MTMR7: variants seen among roughly 807,000 people sequenced by gnomAD.
The protein encoded by MTMR7 is myotubularin related protein 7.
A neutral mutation model predicts 81.2 loss-of-function variants in MTMR7; 76 were observed. The observed-to-expected ratio is 0.94, with a 90% CI of 0.78 to 1.13. The LOEUF (loss-of-function observed/expected upper bound fraction) is 1.13, where lower values mean the gene tolerates loss of function less well. Among genes scored for constraint, MTMR7 ranks in the 50% most tolerant of loss-of-function variants. The pLI, the probability that MTMR7 is intolerant of heterozygous loss-of-function variation, is 0.00. For synonymous variants in MTMR7, 372 were observed against 289.8 expected, an observed-to-expected ratio of 1.28 and a Z score of -2.88; for missense variants, 1,044 against 820.0, an observed-to-expected ratio of 1.27 and a Z score of -3.34.
intron 1 of MTMR7, among the ~76,000 whole-genome samples, chr8:17,404,757 A>T (rs1344144107): frequency 2.0e-5 from 3 of 152,124 alleles, no homozygotes; most frequent in Non-Finnish European, 4.4e-5. Context: ...GACTTACCCA[A>T]CAATTTAAAT....
chr8:17,373,051 T>G (rs762608015), intron 2 of MTMR7, 67 bp downstream of exon 2: 85 of 1,578,470 alleles, frequency 5.4e-5, no homozygotes, highest in Non-Finnish European at 7.0e-5. Context: ...GAAAAATGAA[T>G]GGAGGGCAAA....
At chr8:17,364,090 C>G (rs1459658865) in intron 3 of MTMR7, among the ~76,000 whole-genome samples, 1 of 130,586 alleles carries the variant, frequency 7.7e-6, no homozygotes, top group Non-Finnish European at 1.5e-5. Context: ...AGTGCAGTGG[C>G]GCGATCTCGG....
intron 9 of MTMR7, among the ~76,000 whole-genome samples, chr8:17,309,602 T>A (rs1277103255): frequency 6.6e-6 from 1 of 152,204 alleles, no homozygotes; most frequent in African/African-American, 2.4e-5. Context: ...ACTGTTCACA[T>A]TGCTTTACGT....
intron 4 of MTMR7, among the ~76,000 whole-genome samples, chr8:17,353,521 T>G (rs1283058152): frequency 1.3e-5 from 2 of 152,124 alleles, no homozygotes; most frequent in East Asian, 1.9e-4. Flanking sequence ...GCTCACAGAG[T>G]TGTAGTCAAA....
rs76579960 is a variant in MTMR7, at chr8:17,299,735, C to A, written c.*127G>T. 5 of 1,359,582 alleles carry A rather than the reference C, an allele frequency of 3.7e-6. No individual in the cohort carries two copies. In the East Asian group the frequency reaches 9.3e-5, roughly 25 times the overall value. 84.2% of individuals were successfully genotyped at this position (1,359,582 alleles called of 1,614,324 possible). On this transcript the variant is annotated 3_prime_UTR_variant, in exon 14 of 14. Coordinates refer to ENST00000180173, the MANE Select transcript of MTMR7 (RefSeq NM_004686.5). ...AGAACTGGGCACTTTTTTCCCTTTTCATAGCTGCATTAAAGTAGTTCTCAA... is the reference window on the plus strand; with the variant it reads ...AGAACTGGGCACTTTTTTCCCTTTTAATAGCTGCATTAAAGTAGTTCTCAA...
intron 9 of MTMR7, 52 bp downstream of exon 9, chr8:17,311,459 C>T: frequency 6.2e-7 from 1 of 1,611,710 alleles, no homozygotes. Flanking sequence ...AAACAGGGGT[C>T]CATTCCTGGT....
chr8:17,314,909 G>A (rs982203535), intron 7 of MTMR7, among the ~76,000 whole-genome samples: 19 of 152,132 alleles, frequency 1.2e-4, no homozygotes, highest in African/African-American at 4.6e-4. Flanking sequence ...AGCATCACAG[G>A]CAGGAAGACA....
intron 6 of MTMR7, among the ~76,000 whole-genome samples, chr8:17,332,985 C>A (rs960451175): frequency 6.6e-6 from 1 of 151,840 alleles, no homozygotes. Flanking sequence ...ATACCGAGAG[C>A]ATATATGAAG....
chr8:17,310,923 CTG>C (rs1179375563), intron 9 of MTMR7, among the ~76,000 whole-genome samples: 1 of 152,152 alleles, frequency 6.6e-6, no homozygotes, highest in Non-Finnish European at 1.5e-5. Context: ...ATACAATACT[CTG>C]TAGTTGAAAG....
chr8:17,333,240 G>GAA (rs1431640438), intron 6 of MTMR7, among the ~76,000 whole-genome samples: 1 of 151,898 alleles, frequency 6.6e-6, no homozygotes, highest in African/African-American at 2.4e-5. Context: ...CCTTAATCAA[G>GAA]AAAAAAATAT....
chr8:17,337,057 G>T (rs1819262989), intron 6 of MTMR7, among the ~76,000 whole-genome samples: 1 of 152,046 alleles, frequency 6.6e-6, no homozygotes, highest in Admixed American at 6.6e-5. Context: ...AACTTGCCAG[G>T]ATTCTTAAAA....
At chr8:17,302,040 C>A in intron 13 of MTMR7, 114 bp downstream of exon 13, 2 of 1,406,704 alleles carry the variant, frequency 1.4e-6, no homozygotes, top group Non-Finnish European at 2.0e-6. Flanking sequence ...AGGTGTTCTA[C>A]TGACTAAAAA....
At chr8:17,411,791 C>A (rs1585132270) in intron 1 of MTMR7, among the ~76,000 whole-genome samples, 2 of 152,198 alleles carry the variant, frequency 1.3e-5, no homozygotes, top group South Asian at 4.1e-4. Context: ...GTATATAGAA[C>A]AGAAAAGGCC....
At chr8:17,309,058 G>C (rs1389941748) in intron 10 of MTMR7, among the ~76,000 whole-genome samples, 1 of 152,178 alleles carries the variant, frequency 6.6e-6, no homozygotes, top group Non-Finnish European at 1.5e-5. Context: ...GTCTCTTCTA[G>C]AACAAGTTAA....
chr8:17,375,638 G>A (rs1820562931), intron 1 of MTMR7, among the ~76,000 whole-genome samples: 1 of 152,058 alleles, frequency 6.6e-6, no homozygotes, highest in Non-Finnish European at 1.5e-5. Flanking sequence ...TATAAGACCT[G>A]TTTATACAGT....
At chr8:17,410,973 C>G (rs183402829) in intron 1 of MTMR7, among the ~76,000 whole-genome samples, 1 of 152,132 alleles carries the variant, frequency 6.6e-6, no homozygotes, top group Non-Finnish European at 1.5e-5. Context: ...ACCATGAAAT[C>G]GAAGGAAATT....
In MTMR7 at chr8:17,331,133, A is replaced by T. The variant is rs1236406705; in HGVS notation, c.865+17T>A. 3 of 1,607,312 alleles carry T rather than the reference A, an allele frequency of 1.9e-6. No individual in the cohort carries two copies. The highest frequency in any genetic ancestry group is 2.5e-6 in the Non-Finnish European group (3 of 1,178,070). On this transcript the variant is annotated intron_variant, in intron 7 of 13. Coordinates refer to ENST00000180173, the MANE Select transcript of MTMR7 (RefSeq NM_004686.5). Reference sequence around the variant, plus strand: ...ACTTAACTGCATTTTAATGCTGTGCATAAGGAAATGGTTTACCTTCCAGCA... The same window carrying T: ...ACTTAACTGCATTTTAATGCTGTGCTTAAGGAAATGGTTTACCTTCCAGCA...
chr8:17,372,187 A>G (rs1820441375), intron 2 of MTMR7, among the ~76,000 whole-genome samples: 1 of 152,122 alleles, frequency 6.6e-6, no homozygotes, highest in Non-Finnish European at 1.5e-5. Context: ...TTTCCCCTCC[A>G]CTAAGAAGTG....
intron 1 of MTMR7, among the ~76,000 whole-genome samples, chr8:17,404,368 G>T (rs747007760): frequency 1.3e-5 from 2 of 152,124 alleles, no homozygotes; most frequent in South Asian, 4.1e-4. Context: ...GGTGTGAAGC[G>T]AGAGGGAATT....
Sources: gnomAD v4.1 joint callset for allele counts (sites outside exome capture counted in the v4.1 genomes callset) on GRCh38, gnomAD v4.1.1 for gene constraint, MANE v1.5 for transcripts, NCBI Gene and HGNC (gene_info 2026-07-23, HGNC 2026-07-21) for gene names.